IL4R: variants seen among roughly 807,000 people sequenced by gnomAD.
IL4R encodes interleukin-4 receptor subunit alpha.
IL4R carries 17 observed loss-of-function variants against 41.5 expected under a neutral mutation model. That is an observed-to-expected ratio of 0.41 (90% confidence interval 0.28 to 0.61). IL4R has a LOEUF of 0.61. Ranked by LOEUF, IL4R falls within the 20% of genes least tolerant of loss-of-function variation. The pLI is 0.31. For missense variants in IL4R, 974 were observed against 1,043.1 expected, an observed-to-expected ratio of 0.93 and a Z score of 0.91; for synonymous variants, 402 against 422.9, an observed-to-expected ratio of 0.95 and a Z score of 0.61.
intron 10 of IL4R, 127 bp downstream of exon 10, chr16:27,360,942 T>G: frequency 6.3e-7 from 1 of 1,584,186 alleles, no homozygotes; most frequent in Non-Finnish European, 8.6e-7. Context: ...GACATTAGCC[T>G]TCAAGGGACG....
At chr16:27,343,882 G>T (rs949867378) in intron 4 of IL4R, among the ~76,000 whole-genome samples, 2 of 152,136 alleles carry the variant, frequency 1.3e-5, no homozygotes, top group Admixed American at 6.6e-5. Flanking sequence ...TGGGAGAGGG[G>T]TGAAGGAAGA....
chr16:27,342,479 G>A (rs1039708829), intron 4 of IL4R, among the ~76,000 whole-genome samples: 5 of 152,060 alleles, frequency 3.3e-5, no homozygotes, highest in East Asian at 3.8e-4. Flanking sequence ...ACATGGATAC[G>A]GCTGGAATAC....
intron 1 of IL4R, among the ~76,000 whole-genome samples, chr16:27,317,682 G>A (rs541177256): frequency 6.6e-6 from 1 of 152,172 alleles, no homozygotes; most frequent in African/African-American, 2.4e-5. Context: ...AAGGGCCTGA[G>A]CTTGAAGAGG....
chr16:27,355,812 C>T lies in IL4R; in HGVS notation c.675C>T (p.Tyr225=), dbSNP rs767387426. The stretch of plus-strand genomic sequence containing the variant: ...GGCTTCCCCTCCCACTTCCAGCCTA[C>T]AGGGAGCCCTTCGAGCAGCACCTCC... ...WSPSTKWHNS[Y]REPFEQHLLL... is the part of the protein sequence containing the mutation. The change falls in exon 8 of 11, where the codon TAC becomes TAT. Residue 225 remains tyrosine, a synonymous_variant. Transcript: ENST00000395762. 1 of 1,611,958 alleles carries T rather than the reference C, an allele frequency of 6.2e-7. No individual in the cohort carries two copies. The highest frequency in any genetic ancestry group is 1.3e-5 in the African/African-American group (1 of 74,890).
At chr16:27,360,574 C>T (rs1229385785) in intron 9 of IL4R, among the ~76,000 whole-genome samples, 192 bp from the exon 10 acceptor site, 1 of 152,220 alleles carries the variant, frequency 6.6e-6, no homozygotes, top group African/African-American at 2.4e-5. Flanking sequence ...CTTTTGCCAT[C>T]GACCACAGTC....
rs145165827 is a variant in IL4R at position 27,337,199 on chromosome 16, G to A, written c.-18-2987G>A. On this transcript the variant is annotated intron_variant, in intron 2 of 10. Coordinates refer to ENST00000395762, the MANE Select transcript of IL4R (RefSeq NM_000418.4). The stretch of plus-strand genomic sequence containing the variant: ...GTGGAGAGGGAGGTGGAGCCCTGCT[G>A]GGGGGAGGGCCTTCAAGTGTGCCCA... 8.2e-4 allele frequency among the ~76,000 whole-genome samples: 125 copies of A among 152,070 alleles called. 2 individuals are homozygous for A. The highest frequency in any genetic ancestry group is 2.6e-3 in the African/African-American group (110 of 41,510).
At chr16:27,316,085 A>G (rs2084640507) in intron 1 of IL4R, among the ~76,000 whole-genome samples, 1 of 152,206 alleles carries the variant, frequency 6.6e-6, no homozygotes, top group Non-Finnish European at 1.5e-5. Flanking sequence ...CAAAGAAGTG[A>G]CAAGCTGGGC....
At chr16:27,354,718 A>G (rs1001747086) in intron 7 of IL4R, among the ~76,000 whole-genome samples, 5 of 152,218 alleles carry the variant, frequency 3.3e-5, no homozygotes, top group African/African-American at 9.6e-5. Context: ...TAAAAACTCA[A>G]TGAAAGAAGA....
At position 27,363,244 on chromosome 16, in the gene IL4R, A is replaced by G. The variant is rs150346265; in HGVS notation, c.1892A>G (p.Tyr631Cys). The G allele has an allele frequency of 3.7e-5, 59 of 1,605,186 alleles. No individual in the cohort carries two copies. Among genetic ancestry groups the G allele is most frequent in the Non-Finnish European group, 3.8e-5 (45 of 1,175,348 alleles). Residue 631 changes from tyrosine (Y) to cysteine (C), a missense_variant, in exon 11 of 11, where the codon TAT becomes TGT. Transcript: ENST00000395762. ...GGGGCTAGCAGTGGGGAAGAGGGGT[A>G]TAAGCCTTTCCAAGACCTCATTCCT... ...GFGASSGEEG[Y>C]KPFQDLIPGC...
rs141983833 is a variant in IL4R, at chr16:27,344,912, G to C, written c.253G>C (p.Val85Leu). 6.2e-7 allele frequency: 1 copy of C among 1,614,060 alleles called. No homozygotes were observed. The highest frequency in any genetic ancestry group is 2.2e-5 in the East Asian group (1 of 44,906). The change falls in exon 5 of 11, where the codon GTG becomes CTG. Residue 85 changes from valine to leucine, a missense_variant. Val to Leu is a conservative substitution (Grantham distance 32). Coordinates refer to ENST00000395762, the MANE Select transcript of IL4R (RefSeq NM_000418.4). The stretch of plus-strand genomic sequence containing the variant: ...TGAGAACAACGGAGGCGCGGGGTGC[G>C]TGTGCCACCTGCTCATGGATGACGT... Reference protein sequence around the residue: ...IPENNGGAGCVCHLLMDDVVS... With the variant: ...IPENNGGAGCLCHLLMDDVVS...
intron 9 of IL4R, 109 bp from the exon 10 acceptor site, chr16:27,360,657 C>A (rs746640704): frequency 3.0e-5 from 40 of 1,321,460 alleles, no homozygotes; most frequent in Non-Finnish European, 4.3e-5. Flanking sequence ...ACCTGTTGGA[C>A]TTCTGATCTG....
chr16:27,358,338 A>G (rs1173076464), intron 8 of IL4R, among the ~76,000 whole-genome samples: 1 of 152,226 alleles, frequency 6.6e-6, no homozygotes, highest in Non-Finnish European at 1.5e-5. Context: ...CTCAATAAAT[A>G]TGTGTTTATT....
intron 8 of IL4R, among the ~76,000 whole-genome samples, chr16:27,358,160 C>G (rs1439959686): frequency 1.3e-5 from 2 of 152,214 alleles, no homozygotes; most frequent in Non-Finnish European, 1.5e-5. Flanking sequence ...TCCCAAAGTG[C>G]TGGGATTACA....
At chr16:27,328,300 A>G (rs984487863) in intron 1 of IL4R, among the ~76,000 whole-genome samples, 9 of 149,118 alleles carry the variant, frequency 6.0e-5, no homozygotes, top group Admixed American at 4.7e-4. Flanking sequence ...CTGGAGTGCA[A>G]TGGTGTGATC....
At chr16:27,343,131 T>A (rs1335893332) in intron 4 of IL4R, among the ~76,000 whole-genome samples, 1 of 152,174 alleles carries the variant, frequency 6.6e-6, no homozygotes, top group Non-Finnish European at 1.5e-5. Flanking sequence ...TTCGTTACAC[T>A]GGTGCCCAGG....
intron 2 of IL4R, among the ~76,000 whole-genome samples, chr16:27,337,697 A>G (rs999938566): frequency 4.0e-5 from 6 of 149,834 alleles, no homozygotes; most frequent in African/African-American, 7.4e-5. Flanking sequence ...TTCCTGCCTC[A>G]GCCTCCTGAG....
chr16:27,340,994 G>C (rs2085423437), intron 3 of IL4R: 2 of 506,860 alleles, frequency 3.9e-6, no homozygotes, highest in African/African-American at 1.9e-5. Context: ...GGTCAGCAAG[G>C]TGACAGAGTG....
intron 6 of IL4R, among the ~76,000 whole-genome samples, chr16:27,347,777 G>A (rs1363339752): frequency 2.0e-5 from 3 of 152,226 alleles, no homozygotes; most frequent in African/African-American, 7.2e-5. Context: ...GCTGTGTGAT[G>A]TTGGGCATAT....
At chr16:27,355,603 G>T (rs571387937) in intron 7 of IL4R, 2 of 524,450 alleles carry the variant, frequency 3.8e-6, no homozygotes, top group South Asian at 4.3e-5. Context: ...CTTTGGAGGA[G>T]CAGGGGGCAA....
Sources: allele counts gnomAD v4.1 joint callset (sites outside exome capture counted in the v4.1 genomes callset), GRCh38; gene constraint gnomAD v4.1.1; transcripts MANE v1.5; gene names NCBI Gene and HGNC (gene_info 2026-07-23, HGNC 2026-07-21).